The following ZMIZ1 variants were observed in gnomAD, a reference collection of about 807,000 sequenced individuals.
The protein encoded by ZMIZ1 is zinc finger MIZ-type containing 1, also known as zinc finger MIZ domain-containing protein 1.
Under a neutral mutation model 113.9 loss-of-function variants are expected in ZMIZ1, and 17 were observed. That is an observed-to-expected ratio of 0.15 (90% confidence interval 0.10 to 0.22). The LOEUF is 0.22. ZMIZ1 is among the 10% of genes least tolerant of loss of function. The probability of loss-of-function intolerance (pLI) is 1.00; values close to 1 mark genes in which losing one functional copy is unlikely to be tolerated. For synonymous variants in ZMIZ1, 607 were observed against 603.1 expected, an observed-to-expected ratio of 1.01 and a Z score of -0.09; for missense variants, 1,059 against 1,477.8, an observed-to-expected ratio of 0.72 and a Z score of 4.65.
intron 11 of ZMIZ1, among the ~76,000 whole-genome samples, 162 bp downstream of exon 11, chr10:79,292,518 G>A (rs1853563872): frequency 6.6e-6 from 1 of 152,192 alleles, no homozygotes; most frequent in African/African-American, 2.4e-5. Flanking sequence ...GTGGAGGTCT[G>A]TGTGTTTAGA....
chr10:79,097,908 T>A (rs1843226305), intron 1 of ZMIZ1, among the ~76,000 whole-genome samples: 1 of 152,152 alleles, frequency 6.6e-6, no homozygotes, highest in African/African-American at 2.4e-5. Context: ...CTGTGCAGCT[T>A]CATTACCAGG....
rs1168946615 is a variant in ZMIZ1 at position 79,312,837 on chromosome 10, A to T, written c.*88A>T. 3.0e-6 allele frequency: 4 copies of T among 1,317,616 alleles called. No homozygotes were observed. Among genetic ancestry groups the T allele is most frequent in the Non-Finnish European group, 2.2e-6 (2 of 925,092 alleles). 81.6% of individuals were successfully genotyped at this position (1,317,616 alleles called of 1,614,324 possible). A position where few individuals can be genotyped will look rare whatever the true frequency, so the allele number is the denominator to read the frequency against. ...TTTCCACCTGGGAGCCTGTGCCCTCAGACCGCCCCGCACCAGAGCCACGGG... is the reference window on the plus strand; with the variant it reads ...TTTCCACCTGGGAGCCTGTGCCCTCTGACCGCCCCGCACCAGAGCCACGGG... On this transcript the variant is annotated 3_prime_UTR_variant, in exon 25 of 25. Coordinates refer to ENST00000334512, the MANE Select transcript of ZMIZ1 (RefSeq NM_020338.4).
At chr10:79,140,641 C>A (rs1246054193) in intron 3 of ZMIZ1, among the ~76,000 whole-genome samples, 1 of 152,168 alleles carries the variant, frequency 6.6e-6, no homozygotes, top group African/African-American at 2.4e-5. Flanking sequence ...ATTCATCCCT[C>A]CACCACCTAT....
At chr10:79,177,535 G>T (rs1336563542) in intron 4 of ZMIZ1, among the ~76,000 whole-genome samples, 1 of 152,200 alleles carries the variant, frequency 6.6e-6, no homozygotes, top group Non-Finnish European at 1.5e-5. Flanking sequence ...GCACAGAGAG[G>T]CATAGGACTT....
In ZMIZ1 at chr10:79,307,546, C is replaced by T. The variant is rs772451030; in HGVS notation, c.2810C>T (p.Pro937Leu). Reference protein sequence around the residue: ...MPNNMAALEKPLSHPMQETMP... With the variant: ...MPNNMAALEKLLSHPMQETMP... ...AACAACATGGCCGCCCTCGAGAAAC[C>T]CCTCAGCCACCCCATGCAGGAAACT... Residue 937 changes from proline to leucine, a missense_variant, in exon 23 of 25, where the codon CCC (proline) becomes CTC (leucine). Transcript: ENST00000334512. 1.9e-6 allele frequency: 3 copies of T among 1,612,312 alleles called. No individual in the cohort carries two copies. Among genetic ancestry groups the T allele is most frequent in the Non-Finnish European group, 2.5e-6 (3 of 1,179,274 alleles).
At chr10:79,163,227 C>T (rs1051835904) in intron 4 of ZMIZ1, among the ~76,000 whole-genome samples, 2 of 152,220 alleles carry the variant, frequency 1.3e-5, no homozygotes, top group East Asian at 3.9e-4. Context: ...CCTCCTGGAG[C>T]TTAGCGCTTC....
At chr10:79,289,639 G>A (rs1853329864) in intron 8 of ZMIZ1, 136 bp from the exon 9 acceptor site, 2 of 713,456 alleles carry the variant, frequency 2.8e-6, no homozygotes, top group Non-Finnish European at 4.8e-6. Flanking sequence ...CAGGCCTGGG[G>A]GGTCCAGTAC....
intron 1 of ZMIZ1, among the ~76,000 whole-genome samples, chr10:79,100,553 T>C (rs772363763): frequency 5.9e-5 from 9 of 151,676 alleles, no homozygotes; most frequent in Non-Finnish European, 1.0e-4. Context: ...GAATGCCGAA[T>C]GGAGTTTATC....
At chr10:79,134,094 C>G (rs992568246) in intron 2 of ZMIZ1, among the ~76,000 whole-genome samples, 2 of 152,206 alleles carry the variant, frequency 1.3e-5, no homozygotes, top group African/African-American at 4.8e-5. Context: ...CCACTTGAGG[C>G]CCCTGATCAG....
intron 4 of ZMIZ1, among the ~76,000 whole-genome samples, chr10:79,193,738 C>T (rs72816291): frequency 0.059 from 8,915 of 152,166 alleles, 318 homozygotes; most frequent in East Asian, 0.068. Flanking sequence ...ACAGTTGAGC[C>T]ATACCCTGAT....
intron 2 of ZMIZ1, among the ~76,000 whole-genome samples, chr10:79,124,815 G>A (rs1220054344): frequency 6.6e-6 from 1 of 152,206 alleles, no homozygotes; most frequent in East Asian, 1.9e-4. Context: ...CGGCTGGGGA[G>A]GAAGATTCAT....
At chr10:79,271,574 C>T (rs1851953591) in intron 7 of ZMIZ1, among the ~76,000 whole-genome samples, 2 of 152,262 alleles carry the variant, frequency 1.3e-5, no homozygotes, top group Admixed American at 6.5e-5. Context: ...GGGTCCTTGG[C>T]CCTCCGCCCA....
chr10:79,279,542 C>T (rs1852563530), intron 8 of ZMIZ1, among the ~76,000 whole-genome samples: 1 of 152,176 alleles, frequency 6.6e-6, no homozygotes, highest in African/African-American at 2.4e-5. Flanking sequence ...CAGAGACGCT[C>T]CTCACTTCCT....
Position 79,174,001 on chromosome 10 carries a change from G to T in ZMIZ1, c.-50+11868G>T, listed in dbSNP as rs112639524. On this transcript the variant is annotated intron_variant, in intron 4 of 24. Transcript: ENST00000334512. ...GTCAGAATTTGTTTCCGATGGAGCT[G>T]GTCTGTAAACTTCAGGTTCCCTGAC... 3.9e-5 allele frequency among the ~76,000 whole-genome samples: 6 copies of T among 152,288 alleles called. 1 individual carries two copies. The highest frequency in any genetic ancestry group is 1.4e-4 in the African/African-American group (6 of 41,554).
At chr10:79,217,721 C>G (rs1252196290) in intron 7 of ZMIZ1, among the ~76,000 whole-genome samples, 2 of 152,218 alleles carry the variant, frequency 1.3e-5, no homozygotes, top group African/African-American at 4.8e-5. Context: ...TGTTTCCAGT[C>G]TGCACACATG....
At chr10:79,292,064 A>G in intron 10 of ZMIZ1, 94 bp from the exon 11 acceptor site, 2 of 1,252,992 alleles carry the variant, frequency 1.6e-6, no homozygotes, top group Non-Finnish European at 2.3e-6. Context: ...GGTTCTGGGT[A>G]CAGCTCCATC....
intron 1 of ZMIZ1, among the ~76,000 whole-genome samples, chr10:79,098,638 T>C (rs1412895678): frequency 6.6e-6 from 1 of 151,918 alleles, no homozygotes; most frequent in African/African-American, 2.4e-5. Context: ...ATTCAGAGAG[T>C]TGAAGTGGGG....
chr10:79,080,575 C>T (rs558863000), intron 1 of ZMIZ1, among the ~76,000 whole-genome samples: 1 of 152,280 alleles, frequency 6.6e-6, no homozygotes, highest in East Asian at 1.9e-4. Flanking sequence ...TCCCGAAGTG[C>T]TGGGATTATA....
At chr10:79,207,175 C>T (rs1390282533) in intron 5 of ZMIZ1, among the ~76,000 whole-genome samples, 1 of 152,172 alleles carries the variant, frequency 6.6e-6, no homozygotes, top group Non-Finnish European at 1.5e-5. Flanking sequence ...CTGGGGCAGG[C>T]TCATGCTGCA....
Sources: gnomAD v4.1 joint callset for allele counts (sites outside exome capture counted in the v4.1 genomes callset) on GRCh38, gnomAD v4.1.1 for gene constraint, MANE v1.5 for transcripts, NCBI Gene and HGNC (gene_info 2026-07-23, HGNC 2026-07-21) for gene names.